The following GPR6 variants were observed in gnomAD, a reference collection of about 807,000 sequenced individuals.
The protein encoded by GPR6 is sphingosine 1-phosphate receptor GPR6.
In GPR6, 14 loss-of-function variants were observed where a neutral mutation model predicts 18.5. The observed-to-expected ratio is 0.76, with a 90% CI of 0.50 to 1.18. The LOEUF (loss-of-function observed/expected upper bound fraction) is 1.18, where lower values mean the gene tolerates loss of function less well. Ranked by LOEUF, GPR6 falls within the 50% of genes most tolerant of loss-of-function variation. GPR6 has a pLI of 0.00. For missense variants in GPR6, 477 were observed against 495.9 expected (o/e 0.96, Z 0.36); for synonymous variants, 299 against 240.9 (o/e 1.24, Z -2.23).
At chr6:109,978,571 T>G in intron 1 of GPR6, 104 bp downstream of exon 1, 1 of 590,550 alleles carries the variant, frequency 1.7e-6, no homozygotes, top group Non-Finnish European at 3.0e-6. Flanking sequence ...GGAGCCAACC[T>G]TGACTCCCAC....
rs2114346788 is a variant in GPR6 at position 109,979,207 on chromosome 6, A to G, written c.95A>G (p.Asp32Gly). The G allele has an allele frequency of 6.2e-7, 1 of 1,601,130 alleles. No homozygotes were observed. Among genetic ancestry groups the G allele is most frequent in the East Asian group, 2.2e-5 (1 of 44,736 alleles). Reference sequence around the variant, plus strand: ...GCGGCCACAGCAGCAGGGGGGCCGGACACGGGCGAATGGGGACCCCCTGCT... The same window carrying G: ...GCGGCCACAGCAGCAGGGGGGCCGGGCACGGGCGAATGGGGACCCCCTGCT... ...AAAATAAGGP[D>G]TGEWGPPAAA... Residue 32 changes from aspartate to glycine, a missense_variant, in exon 2 of 2, where the codon GAC (aspartate) becomes GGC (glycine). Coordinates refer to ENST00000275169, the MANE Select transcript of GPR6 (RefSeq NM_005284.5).
chr6:109,978,858 A>C (rs1771004032), intron 1 of GPR6: 2 of 1,535,368 alleles, frequency 1.3e-6, no homozygotes, highest in Non-Finnish European at 8.7e-7. Context: ...ATGTGAGTGC[A>C]TGTTGTCCTG....
rs752746835 is a variant in GPR6, at chr6:109,980,235, A to AC, written c.*38dup. 1 of 1,611,988 alleles carries AC rather than the reference A, an allele frequency of 6.2e-7. No individual in the cohort carries two copies. The highest frequency in any genetic ancestry group is 2.2e-5 in the East Asian group (1 of 44,826). On this transcript the variant is annotated 3_prime_UTR_variant, in exon 2 of 2. Coordinates refer to ENST00000275169, the MANE Select transcript of GPR6 (RefSeq NM_005284.5). Reference sequence around the variant, plus strand: ...CCCCGTGTCCTCTCACCAACACCACACCCCAACAAGCCAGCCTTTGGTAAG... The same window carrying AC: ...CCCCGTGTCCTCTCACCAACACCACACCCCCAACAAGCCAGCCTTTGGTAAG...
chr6:109,978,640 T>G (rs1770998091), intron 1 of GPR6, 173 bp downstream of exon 1: 3 of 1,065,126 alleles, frequency 2.8e-6, no homozygotes, highest in Non-Finnish European at 4.1e-6. Flanking sequence ...TTCGCAGGGG[T>G]CTCTGGGCTC....
chr6:109,979,071 C>G (rs1310078431), intron 1 of GPR6, 24 bp from the exon 2 acceptor site: 7 of 1,542,710 alleles, frequency 4.5e-6, no homozygotes, highest in Admixed American at 2.0e-5. Flanking sequence ...GTACACCTGA[C>G]GCCTGCACTC....
In GPR6 at chr6:109,979,886, G is replaced by A; in HGVS notation, c.774G>A (p.Gln258=). The A allele has an allele frequency of 6.2e-7, 1 of 1,611,182 alleles. No homozygotes were observed. Residue 258 remains glutamine (Q), a synonymous_variant, in exon 2 of 2, where the codon CAG becomes CAA. Coordinates refer to ENST00000275169, the MANE Select transcript of GPR6 (RefSeq NM_005284.5). The stretch of plus-strand genomic sequence containing the variant: ...AGGTGGTCTGGCGCCACGCGCACCA[G>A]ATCGCGCTGCAGCAGCACTGCCTGG... The part of the protein sequence containing the change: ...ICQVVWRHAH[Q]IALQQHCLAP...
Position 109,979,663 on chromosome 6 carries a change from G to C in GPR6, c.551G>C (p.Gly184Ala). The change falls in exon 2 of 2, where the codon GGC (glycine) becomes GCC (alanine). Residue 184 changes from glycine to alanine, a missense_variant. Coordinates refer to ENST00000275169, the MANE Select transcript of GPR6 (RefSeq NM_005284.5). ...TATTACTCGCGCCGGACCCTGTTGG[G>C]CGTGCACCTCCTGCTTGCCGCCACT... ...LTYYSRRTLL[G>A]VHLLLAATWT... 6.2e-7 allele frequency: 1 copy of C among 1,611,624 alleles called. No individual in the cohort carries two copies. Among genetic ancestry groups the C allele is most frequent in the Non-Finnish European group, 8.5e-7 (1 of 1,179,952 alleles).
chr6:109,979,177 C>T lies in GPR6; in HGVS notation c.65C>T (p.Ala22Val). 1.3e-6 allele frequency: 2 copies of T among 1,595,336 alleles called. No homozygotes were observed. The highest frequency in any genetic ancestry group is 3.5e-5 in the Admixed American group (2 of 56,698). ...GTGGTAGTGGCGGCCGAAGGAGCGG[C>T]GGCGGCGGCCACAGCAGCAGGGGGG... is the stretch of plus-strand genomic sequence containing the variant. ...QVVVVAAEGA[A>V]AAATAAGGPD... Residue 22 changes from alanine (A) to valine (V), a missense_variant, in exon 2 of 2, where the codon GCG becomes GTG. By Grantham distance (64) the Ala-to-Val change is moderately conservative. Transcript: ENST00000275169.
In GPR6 at chr6:109,979,755, G is replaced by C. The variant is rs1004146420; in HGVS notation, c.643G>C (p.Ala215Pro). 1.2e-5 allele frequency: 19 copies of C among 1,599,858 alleles called. No homozygotes were observed. The highest frequency in any genetic ancestry group is 1.5e-5 in the Non-Finnish European group (18 of 1,177,478). The change falls in exon 2 of 2, where the codon GCC becomes CCC. Residue 215 changes from alanine to proline, a missense_variant. Transcript: ENST00000275169. The stretch of plus-strand genomic sequence containing the variant: ...CTGGAACTGCCTGGCAGAGCGCGCC[G>C]CCTGCAGCGTGGTGCGCCCGCTGGC... Reference protein sequence around the residue: ...LGWNCLAERAACSVVRPLARS... With the variant: ...LGWNCLAERAPCSVVRPLARS...
rs1229256886 is a variant in GPR6, at chr6:109,979,695, G to C, written c.583G>C (p.Val195Leu). The change falls in exon 2 of 2, where the codon GTG (valine) becomes CTG (leucine). Residue 195 changes from valine (V) to leucine (L), a missense_variant. Physicochemically the swap from Val to Leu is conservative, Grantham distance 32 (BLOSUM62 1). Transcript: ENST00000275169. The part of the protein sequence containing the change: ...VHLLLAATWT[V>L]SLGLGLLPVL... ...CCTCCTGCTTGCCGCCACTTGGACC[G>C]TGTCCCTAGGCCTGGGGCTGCTGCC... 5.0e-6 allele frequency: 8 copies of C among 1,609,218 alleles called. No homozygotes were observed. The highest frequency in any genetic ancestry group is 6.8e-6 in the Non-Finnish European group (8 of 1,179,850).
In GPR6 at chr6:109,979,109, C is replaced by T. The variant is rs552782641; in HGVS notation, c.-4C>T. The T allele has an allele frequency of 1.1e-4, 180 of 1,576,090 alleles. No individual in the cohort carries two copies. Among genetic ancestry groups the T allele is most frequent in the Non-Finnish European group, 1.4e-4 (169 of 1,171,120 alleles). The stretch of plus-strand genomic sequence containing the variant: ...TCCCTATGCAGGGTGCAAATCCGGC[C>T]GCGATGAACGCGAGCGCCGCCTCGC... On this transcript the variant is annotated 5_prime_UTR_variant, in exon 2 of 2. Coordinates refer to ENST00000275169, the MANE Select transcript of GPR6 (RefSeq NM_005284.5).
chr6:109,978,707 G>C (rs965388670), intron 1 of GPR6: 203 of 1,526,718 alleles, frequency 1.3e-4, no homozygotes, highest in Non-Finnish European at 1.7e-4. Flanking sequence ...CGCGGACAGC[G>C]TCTCTGCTGC....
In GPR6 at chr6:109,980,025, G is replaced by A; in HGVS notation, c.913G>A (p.Glu305Lys). 10 of 1,613,740 alleles carry A rather than the reference G, an allele frequency of 6.2e-6. No homozygotes were observed. Among genetic ancestry groups the A allele is most frequent in the Non-Finnish European group, 7.6e-6 (9 of 1,180,044 alleles). The change falls in exon 2 of 2, where the codon GAG (glutamate) becomes AAG (lysine). Residue 305 changes from glutamate to lysine, a missense_variant. By Grantham distance (56) the Glu-to-Lys change is moderately conservative. Coordinates refer to ENST00000275169, the MANE Select transcript of GPR6 (RefSeq NM_005284.5). ...FAIYCVVGSH[E>K]DPAVYTYATL... ...CATCTATTGCGTGGTGGGCAGCCAT[G>A]AGGACCCGGCGGTCTACACTTACGC...
chr6:109,980,187 C>T lies in GPR6; in HGVS notation c.1075C>T (p.Pro359Ser). The change falls in exon 2 of 2, where the codon CCC becomes TCC. Residue 359 changes from proline (P) to serine (S), a missense_variant. Transcript: ENST00000275169. ...CAAAGTGCCCTTTCGTTCCAGGTCT[C>T]CCAGCGAGGTCTGAAGGGCTCGCCC... ...QSKVPFRSRSPSEV is the reference protein window; with the variant it reads ...QSKVPFRSRSSSEV The T allele has an allele frequency of 6.2e-7, 1 of 1,614,226 alleles. No individual in the cohort carries two copies. Among genetic ancestry groups the T allele is most frequent in the Non-Finnish European group, 8.5e-7 (1 of 1,180,040 alleles).
At position 109,979,523 on chromosome 6, in the gene GPR6, G is replaced by A. The variant is rs561336358; in HGVS notation, c.411G>A (p.Ser137=). ...TTGTGTTCCAGTACTTGGTGCCCTC[G>A]GAGACTGTGAGTCTGCTCACGGTGG... ...LHFVFQYLVP[S]ETVSLLTVGF... The change falls in exon 2 of 2, where the codon TCG becomes TCA. Residue 137 remains serine (S), a synonymous_variant. Coordinates refer to ENST00000275169, the MANE Select transcript of GPR6 (RefSeq NM_005284.5). 11 of 1,613,164 alleles carry A rather than the reference G, an allele frequency of 6.8e-6. No individual in the cohort carries two copies. In the South Asian group the frequency reaches 1.2e-4, roughly 18 times the overall value.
Position 109,980,171 on chromosome 6 carries a change from CT to C in GPR6, c.1062del (p.Arg355ValfsTer28), listed in dbSNP as rs765461404. Reference protein sequence around the residue: ...LCGCFQSKVPFRSRSPSEV With the variant: ...LCGCFQSKVPXRSRSPSEV Reference sequence around the variant, plus strand: ...GTGGCTGTTTCCAGTCCAAAGTGCCCTTTCGTTCCAGGTCTCCCAGCGAGGT... The same window carrying C: ...GTGGCTGTTTCCAGTCCAAAGTGCCCTTCGTTCCAGGTCTCCCAGCGAGGT... On this transcript the variant is annotated frameshift_variant, in exon 2 of 2. Transcript: ENST00000275169. LOFTEE classifies it high-confidence loss of function. The C allele has an allele frequency of 3.1e-6, 5 of 1,614,112 alleles. No homozygotes were observed. Among genetic ancestry groups the C allele is most frequent in the Non-Finnish European group, 4.2e-6 (5 of 1,180,052 alleles).
Position 109,979,952 on chromosome 6 carries a change from A to G in GPR6, c.840A>G (p.Thr280=). The G allele has an allele frequency of 1.2e-6, 2 of 1,613,104 alleles. No homozygotes were observed. Among genetic ancestry groups the G allele is most frequent in the East Asian group, 4.5e-5 (2 of 44,882 alleles). ...CTGCCACCAGAAAGGGTGTGGGTAC[A>G]CTGGCTGTGGTGCTGGGCACTTTCG... ...HLAATRKGVG[T]LAVVLGTFGA... Residue 280 remains threonine (T), a synonymous_variant, in exon 2 of 2, where the codon ACA becomes ACG. Transcript: ENST00000275169.
At position 109,979,418 on chromosome 6, in the gene GPR6, G is replaced by T. The variant is rs61730288; in HGVS notation, c.306G>T (p.Ala102=). 1 of 1,613,362 alleles carries T rather than the reference G, an allele frequency of 6.2e-7. No individual in the cohort carries two copies. ...TGGCGCTCATCGCGTCCACTCCGGC[G>T]CTGCGCACGCCCATGTTCGTGCTGG... The part of the protein sequence containing the change: ...LVVALIASTP[A]LRTPMFVLVG... The change falls in exon 2 of 2, where the codon GCG becomes GCT. Residue 102 remains alanine, a synonymous_variant. Coordinates refer to ENST00000275169, the MANE Select transcript of GPR6 (RefSeq NM_005284.5).
In GPR6 at chr6:109,980,193, G is replaced by A. The variant is rs1771057777; in HGVS notation, c.1081G>A (p.Glu361Lys). 6 of 1,614,202 alleles carry A rather than the reference G, an allele frequency of 3.7e-6. No homozygotes were observed. Among genetic ancestry groups the A allele is most frequent in the East Asian group, 2.2e-5 (1 of 44,890 alleles). Residue 361 changes from glutamate to lysine, a missense_variant, in exon 2 of 2, where the codon GAG becomes AAG. Physicochemically the swap from Glu to Lys is moderately conservative, Grantham distance 56. Coordinates refer to ENST00000275169, the MANE Select transcript of GPR6 (RefSeq NM_005284.5). Reference protein sequence around the residue: ...KVPFRSRSPSEV With the variant: ...KVPFRSRSPSKV Reference sequence around the variant, plus strand: ...GCCCTTTCGTTCCAGGTCTCCCAGCGAGGTCTGAAGGGCTCGCCCCGTGTC... The same window carrying A: ...GCCCTTTCGTTCCAGGTCTCCCAGCAAGGTCTGAAGGGCTCGCCCCGTGTC...
Sources: gnomAD v4.1 joint callset for allele counts on GRCh38, gnomAD v4.1.1 for gene constraint, MANE v1.5 for transcripts, NCBI Gene and HGNC (gene_info 2026-07-23, HGNC 2026-07-21) for gene names.